AUTS2: variants seen among roughly 807,000 people sequenced by gnomAD.
AUTS2 encodes the protein autism susceptibility gene 2 protein.
A neutral mutation model predicts 112.4 loss-of-function variants in AUTS2; 17 were observed. That is an observed-to-expected ratio of 0.15 (90% CI 0.10 to 0.23). AUTS2 has a LOEUF of 0.23. Among genes scored for constraint, AUTS2 ranks in the 10% least tolerant of loss-of-function variants. AUTS2 has a pLI of 1.00. For synonymous variants in AUTS2, 751 were observed against 702.7 expected, an observed-to-expected ratio of 1.07 and a Z score of -1.09; for missense variants, 1,510 against 1,701.6, an observed-to-expected ratio of 0.89 and a Z score of 1.98.
At chr7:70,524,273 T>C (rs3113267) in intron 5 of AUTS2, among the ~76,000 whole-genome samples, 86,233 of 151,998 alleles carry the variant, frequency 0.57, 25,463 homozygotes, top group African/African-American at 0.72. Flanking sequence ...AAGTATTTCC[T>C]CAAAGCCTGG....
rs142687896 is a variant in AUTS2, at chr7:70,139,591, G to A, written c.660+5020G>A. 1.3e-3 allele frequency among the ~76,000 whole-genome samples: 203 copies of A among 152,214 alleles called. 3 individuals are homozygous for A. In the East Asian group the frequency reaches 0.025, roughly 18 times the overall value. The stretch of plus-strand genomic sequence containing the variant: ...CATTGTATTCATTTATTTTCTGGGG[G>A]TGAATTCTTTTATTAGAACATTCAA... On this transcript the variant is annotated intron_variant, in intron 4 of 18. Transcript: ENST00000342771.
At chr7:70,661,257 A>G (rs958269696) in intron 5 of AUTS2, among the ~76,000 whole-genome samples, 53 of 152,162 alleles carry the variant, frequency 3.5e-4, no homozygotes, top group African/African-American at 8.4e-4. Context: ...GTCTGAGGCC[A>G]TCTTCTTCAG....
chr7:70,602,826 G>A (rs542253240), intron 5 of AUTS2, among the ~76,000 whole-genome samples: 94 of 152,264 alleles, frequency 6.2e-4, no homozygotes, highest in African/African-American at 2.2e-3. Flanking sequence ...ATTTTCTTTC[G>A]TCTGTTCGCC....
chr7:69,948,770 T>A (rs908820458), intron 2 of AUTS2, among the ~76,000 whole-genome samples: 3 of 149,618 alleles, frequency 2.0e-5, no homozygotes, highest in Non-Finnish European at 4.4e-5. Context: ...CAAAATTTTC[T>A]TTCATTTATT....
chr7:70,691,843 G>C (rs903554021), intron 5 of AUTS2, among the ~76,000 whole-genome samples: 88 of 151,508 alleles, frequency 5.8e-4, no homozygotes, highest in African/African-American at 2.1e-3. Flanking sequence ...GCCGTCATCT[G>C]AGGCCTAATC....
chr7:70,224,436 G>A (rs1268359354), intron 4 of AUTS2, among the ~76,000 whole-genome samples: 1 of 151,322 alleles, frequency 6.6e-6, no homozygotes, highest in Non-Finnish European at 1.5e-5. Context: ...ATAAAAGAAA[G>A]GTTATAGAAT....
At chr7:70,566,756 C>T (rs1585310955) in intron 5 of AUTS2, among the ~76,000 whole-genome samples, 1 of 152,180 alleles carries the variant, frequency 6.6e-6, no homozygotes, top group Non-Finnish European at 1.5e-5. Flanking sequence ...AAAAAGAATG[C>T]ATGAAACTTA....
chr7:70,523,265 A>T (rs1799713973), intron 5 of AUTS2, among the ~76,000 whole-genome samples: 1 of 152,164 alleles, frequency 6.6e-6, no homozygotes. Context: ...TGATCCAGGG[A>T]TAGAATGTAG....
intron 5 of AUTS2, among the ~76,000 whole-genome samples, chr7:70,559,406 C>T (rs942450388): frequency 6.6e-6 from 1 of 151,658 alleles, no homozygotes. Context: ...GTGACCTCAG[C>T]TCACTGCAAC....
chr7:69,737,263 TAAC>T lies in AUTS2; in HGVS notation c.309+137304_309+137306del, dbSNP rs1157301426. Reference sequence around the variant, plus strand: ...TCAACCATTTAACTCAATTGAATAATAACAAGAGGCTAACATTTATCAAATGCT... The same window carrying T: ...TCAACCATTTAACTCAATTGAATAATAAGAGGCTAACATTTATCAAATGCT... On this transcript the variant is annotated intron_variant, in intron 1 of 18. Coordinates refer to ENST00000342771, the MANE Select transcript of AUTS2 (RefSeq NM_015570.4). Among the ~76,000 whole-genome samples, 4 of 152,316 alleles carry T rather than the reference TAAC, an allele frequency of 2.6e-5. No individual in the cohort carries two copies. The East Asian group carries it at 5.8e-4, about 22-fold the overall frequency.
chr7:70,480,170 T>C (rs1797734247), intron 5 of AUTS2, among the ~76,000 whole-genome samples: 2 of 152,214 alleles, frequency 1.3e-5, no homozygotes, highest in African/African-American at 4.8e-5. Context: ...TCACAAGTGA[T>C]ATCAAGGGAA....
intron 5 of AUTS2, among the ~76,000 whole-genome samples, chr7:70,534,357 T>C (rs2129500166): frequency 6.6e-6 from 1 of 152,302 alleles, no homozygotes; most frequent in Non-Finnish European, 1.5e-5. Context: ...ATGTCAAACA[T>C]AGGCAAGACA....
intron 4 of AUTS2, among the ~76,000 whole-genome samples, chr7:70,323,872 A>G (rs975366415): frequency 6.6e-6 from 1 of 152,158 alleles, no homozygotes; most frequent in Admixed American, 6.5e-5. Context: ...ACAACAACCC[A>G]TTTTCCCCAT....
chr7:70,768,209 T>G (rs1396924406), intron 10 of AUTS2, 141 bp downstream of exon 10: 1 of 788,618 alleles, frequency 1.3e-6, no homozygotes, highest in Non-Finnish European at 2.0e-6. Flanking sequence ...TTTGGATGCT[T>G]GCTTTTGTGG....
At chr7:70,264,648 C>T (rs1173210376) in intron 4 of AUTS2, among the ~76,000 whole-genome samples, 3 of 152,152 alleles carry the variant, frequency 2.0e-5, no homozygotes, top group African/African-American at 7.2e-5. Context: ...AGTTTTAAAG[C>T]CCTACCACAG....
rs200157693 is a variant in AUTS2, at chr7:69,823,770, G to GA, written c.310-75507dup. Among the ~76,000 whole-genome samples, 796 of 148,400 alleles carry GA rather than the reference G, an allele frequency of 5.4e-3. 9 individuals are homozygous for GA. Among genetic ancestry groups the GA allele is most frequent in the Admixed American group, 0.018 (267 of 14,914 alleles). ...AGGAAAAAATCATGATTGCTAGGTG[G>GA]AAAAAAAAACAAAAAACCAGCAAGA... is the stretch of plus-strand genomic sequence containing the variant. On this transcript the variant is annotated intron_variant, in intron 1 of 18. Coordinates refer to ENST00000342771, the MANE Select transcript of AUTS2 (RefSeq NM_015570.4).
chr7:70,094,609 ATTTG>A (rs759909992), intron 2 of AUTS2, among the ~76,000 whole-genome samples: 13 of 152,056 alleles, frequency 8.5e-5, no homozygotes, highest in Non-Finnish European at 1.6e-4. Flanking sequence ...CCTGCCCTGG[ATTTG>A]TTTTTTTGTG....
intron 5 of AUTS2, among the ~76,000 whole-genome samples, chr7:70,540,308 G>A (rs1385182929): frequency 6.6e-6 from 1 of 152,186 alleles, no homozygotes; most frequent in Non-Finnish European, 1.5e-5. Context: ...TTTGGGAAGG[G>A]CAGCTACCCC....
chr7:70,416,540 A>G (rs1284359701), intron 4 of AUTS2, among the ~76,000 whole-genome samples: 1 of 152,180 alleles, frequency 6.6e-6, no homozygotes, highest in Non-Finnish European at 1.5e-5. Context: ...GCCTGCTTGA[A>G]AAGAGGCTGT....
Sources: allele counts gnomAD v4.1 joint callset (sites outside exome capture counted in the v4.1 genomes callset), GRCh38; gene constraint gnomAD v4.1.1; transcripts MANE v1.5; gene names NCBI Gene and HGNC (gene_info 2026-07-23, HGNC 2026-07-21).